Variants in INPP4B observed in about 807,000 individuals in gnomAD.
The protein encoded by INPP4B is inositol polyphosphate-4-phosphatase type II B, also known as inositol polyphosphate 4-phosphatase type II.
In INPP4B, 55 loss-of-function variants were observed where a neutral mutation model predicts 122.5. That is an observed-to-expected ratio of 0.45 (90% CI 0.36 to 0.56). The LOEUF is 0.56. Among genes scored for constraint, INPP4B ranks in the 20% least tolerant of loss-of-function variants. The pLI, the probability that INPP4B is intolerant of heterozygous loss-of-function variation, is 0.00. For synonymous variants in INPP4B, 403 were observed against 388.7 expected, an observed-to-expected ratio of 1.04 and a Z score of -0.43; for missense variants, 1,000 against 1,097.7, an observed-to-expected ratio of 0.91 and a Z score of 1.26.
chr4:142,340,330 C>T (rs1778228880), intron 7 of INPP4B, among the ~76,000 whole-genome samples: 1 of 152,064 alleles, frequency 6.6e-6, no homozygotes, highest in South Asian at 2.1e-4. Context: ...AGATGAGAGC[C>T]AGCCATTTTT....
chr4:142,076,187 T>C (rs140516372), intron 25 of INPP4B, among the ~76,000 whole-genome samples: 1 of 152,142 alleles, frequency 6.6e-6, no homozygotes, highest in East Asian at 1.9e-4. Flanking sequence ...TCATCATTTT[T>C]CTGTCAATAG....
chr4:142,315,521 A>C (rs946450541), intron 7 of INPP4B, among the ~76,000 whole-genome samples: 2 of 152,046 alleles, frequency 1.3e-5, no homozygotes, highest in Non-Finnish European at 2.9e-5. Context: ...GCTGTACATT[A>C]GAATCACCTG....
chr4:142,095,137 T>C (rs1781275347), intron 23 of INPP4B, among the ~76,000 whole-genome samples: 1 of 152,182 alleles, frequency 6.6e-6, no homozygotes, highest in Non-Finnish European at 1.5e-5. Flanking sequence ...CCTTGAGACT[T>C]CAATTTCTCA....
chr4:142,299,846 T>G (rs1343583839), intron 9 of INPP4B, among the ~76,000 whole-genome samples: 2 of 151,676 alleles, frequency 1.3e-5, no homozygotes, highest in Non-Finnish European at 2.9e-5. Flanking sequence ...AGAAAGAAAT[T>G]TATGCCAAAT....
rs78474611 is a variant in INPP4B, at chr4:142,422,483, A to G, written c.136+6690T>C. 7.5e-3 allele frequency among the ~76,000 whole-genome samples: 1,144 copies of G among 152,088 alleles called. 10 individuals are homozygous for G. Among genetic ancestry groups the G allele is most frequent in the African/African-American group, 0.026 (1,081 of 41,476 alleles). ...GAAAATGGTAGTTCAGGGAAATTCA[A>G]TGTTTTATAAGGGATGTGTTACACT... On this transcript the variant is annotated intron_variant, in intron 5 of 25. Transcript: ENST00000262992.
intron 9 of INPP4B, among the ~76,000 whole-genome samples, chr4:142,303,743 ATT>A (rs1174352805): frequency 1.3e-5 from 2 of 152,094 alleles, no homozygotes; most frequent in Non-Finnish European, 2.9e-5. Flanking sequence ...TCGTTGTTGA[ATT>A]TGTTTTATAT....
chr4:142,334,417 G>A (rs1292996154), intron 7 of INPP4B, among the ~76,000 whole-genome samples: 1 of 152,116 alleles, frequency 6.6e-6, no homozygotes, highest in African/African-American at 2.4e-5. Flanking sequence ...ATGAACATGG[G>A]CATGAAGAGA....
chr4:142,662,148 T>C (rs553771883), intron 2 of INPP4B, among the ~76,000 whole-genome samples: 317 of 151,680 alleles, frequency 2.1e-3, no homozygotes, highest in African/African-American at 7.0e-3. Context: ...GGCAGGAGAA[T>C]GGCGTGAACC....
chr4:142,191,903 T>C (rs1016025881), intron 15 of INPP4B, among the ~76,000 whole-genome samples: 3 of 152,144 alleles, frequency 2.0e-5, no homozygotes, highest in Admixed American at 6.6e-5. Context: ...AATATATGTG[T>C]ATTGGTAGTT....
chr4:142,354,414 G>A (rs1362573110), intron 7 of INPP4B, among the ~76,000 whole-genome samples: 2 of 151,946 alleles, frequency 1.3e-5, no homozygotes, highest in Non-Finnish European at 2.9e-5. Flanking sequence ...GAAAAGCAGA[G>A]TGGAAGATTC....
At chr4:142,785,174 G>C (rs1411881170) in intron 1 of INPP4B, among the ~76,000 whole-genome samples, 1 of 152,050 alleles carries the variant, frequency 6.6e-6, no homozygotes, top group Non-Finnish European at 1.5e-5. Flanking sequence ...TAAGCCTCTG[G>C]TACCTATAGC....
chr4:142,168,598 C>T (rs1167027284), intron 16 of INPP4B, among the ~76,000 whole-genome samples: 2 of 151,558 alleles, frequency 1.3e-5, no homozygotes, highest in African/African-American at 4.8e-5. Flanking sequence ...ATTCAATTCC[C>T]GTTGTATTAA....
intron 5 of INPP4B, among the ~76,000 whole-genome samples, chr4:142,409,711 A>T (rs1804211350): frequency 6.6e-6 from 1 of 152,180 alleles, no homozygotes; most frequent in African/African-American, 2.4e-5. Flanking sequence ...TGATTTTAGG[A>T]TTTCTCCAAA....
chr4:142,208,334 T>A (rs757338230), intron 14 of INPP4B, 91 bp downstream of exon 14: 19 of 568,284 alleles, frequency 3.3e-5, no homozygotes, highest in Non-Finnish European at 5.4e-5. Context: ...ATATAATTGT[T>A]AAACTTTTGA....
intron 9 of INPP4B, among the ~76,000 whole-genome samples, chr4:142,274,065 T>C (rs1253311398): frequency 6.6e-6 from 1 of 151,776 alleles, no homozygotes; most frequent in Non-Finnish European, 1.5e-5. Flanking sequence ...GTCTTAAAGA[T>C]TTAGGAAAAA....
At chr4:142,478,416 T>C (rs2149723544) in intron 2 of INPP4B, among the ~76,000 whole-genome samples, 2 of 152,292 alleles carry the variant, frequency 1.3e-5, no homozygotes, top group Middle Eastern at 3.4e-3. Context: ...CATAAATGGC[T>C]TTTATTATTT....
At chr4:142,276,129 G>A (rs753518033) in intron 9 of INPP4B, among the ~76,000 whole-genome samples, 4 of 151,446 alleles carry the variant, frequency 2.6e-5, no homozygotes, top group Non-Finnish European at 3.0e-5. Context: ...TATTTCATGT[G>A]TCCCCTCCCA....
intron 15 of INPP4B, among the ~76,000 whole-genome samples, chr4:142,185,001 A>G (rs1490273904): frequency 6.6e-6 from 1 of 152,194 alleles, no homozygotes; most frequent in African/African-American, 2.4e-5. Context: ...CAAGATAAGG[A>G]TAACTGATTG....
intron 2 of INPP4B, among the ~76,000 whole-genome samples, chr4:142,579,503 T>C (rs1196306137): frequency 1.3e-5 from 2 of 152,010 alleles, no homozygotes; most frequent in Admixed American, 1.3e-4. Context: ...TTTGATGAGA[T>C]TAACATTTAA....
Sources: allele counts gnomAD v4.1 joint callset (sites outside exome capture counted in the v4.1 genomes callset), GRCh38; gene constraint gnomAD v4.1.1; transcripts MANE v1.5; gene names NCBI Gene and HGNC (gene_info 2026-07-23, HGNC 2026-07-21).